The following ADPRHL1 variants were observed in gnomAD, a reference collection of about 807,000 sequenced individuals.
The protein encoded by ADPRHL1 is inactive ADP-ribosyltransferase ARH2.
A neutral mutation model predicts 44.1 loss-of-function variants in ADPRHL1; 43 were observed. The observed-to-expected ratio is 0.98, with a 90% CI of 0.76 to 1.26. The LOEUF (loss-of-function observed/expected upper bound fraction) is 1.26. ADPRHL1 is among the 50% of genes most tolerant of loss of function. The pLI is 0.00. For missense variants in ADPRHL1, 2,022 were observed against 2,496.9 expected (o/e 0.81, Z 4.05); for synonymous variants, 878 against 1,017.4 (o/e 0.86, Z 2.61).
Position 113,406,297 on chromosome 13 carries a change from T to C in ADPRHL1, c.2985A>G (p.Ile995Met). 3 of 1,232,116 alleles carry C rather than the reference T, an allele frequency of 2.4e-6. No individual in the cohort carries two copies. Among genetic ancestry groups the C allele is most frequent in the Non-Finnish European group, 3.0e-6 (3 of 987,982 alleles). The allele number at this position is 1,232,116 out of a possible 1,614,324, so 76.3% of individuals were successfully genotyped here. Residue 995 changes from isoleucine (I) to methionine (M), a missense_variant, in exon 8 of 8, where the codon ATA (isoleucine) becomes ATG (methionine). Ile to Met is a conservative substitution (Grantham distance 10, BLOSUM62 1). Coordinates refer to ENST00000612156, the MANE Select transcript of ADPRHL1 (RefSeq NM_001394807.1). ...TTGCGGAGCCCTTCTTCTGCATTGA[T>C]ATTTCATTAGATTCCGGCAACGGAT... ...VKHPLPESNE[I>M]SMQKKGSATN... is the part of the protein sequence containing the mutation.
rs2043988496 is a variant in ADPRHL1, at chr13:113,429,067, G to A, written c.531C>T (p.Ala177=). The change falls in exon 4 of 8, where the codon GCC becomes GCT. Residue 177 remains alanine, a synonymous_variant. Coordinates refer to ENST00000612156, the MANE Select transcript of ADPRHL1 (RefSeq NM_001394807.1). ...CTTGTGCGGCGAACGACACAAACAGGGCCGTGCACAGGGAGCCCAGGAAGC... is the reference window on the plus strand; with the variant it reads ...CTTGTGCGGCGAACGACACAAACAGAGCCGTGCACAGGGAGCCCAGGAAGC... ...PTGFLGSLCT[A]LFVSFAAQGK... 2.5e-6 allele frequency: 4 copies of A among 1,612,076 alleles called. No individual in the cohort carries two copies. In the Admixed American group the frequency reaches 6.7e-5, roughly 27 times the overall value.
intron 7 of ADPRHL1, among the ~76,000 whole-genome samples, chr13:113,411,333 G>A (rs1284572874): frequency 6.6e-6 from 1 of 152,256 alleles, no homozygotes; most frequent in East Asian, 1.9e-4. Flanking sequence ...CCCACACTCG[G>A]AGCCCCTTGT....
In ADPRHL1 at chr13:113,424,256, T is replaced by C; in HGVS notation, c.868A>G (p.Ser290Gly). Residue 290 changes from serine (S) to glycine (G), a missense_variant, in exon 6 of 8, where the codon AGC (serine) becomes GGC (glycine). By Grantham distance (56) the Ser-to-Gly change is moderately conservative. Around this residue, in one of 8 missense-constraint regions of ADPRHL1, gnomAD observed 437 missense variants for 430.7 expected, o/e 1.01. Transcript: ENST00000612156. ...AYDALLAAGN[S>G]WTELCHRAMF... ...GCCCGGTGACACAGCTCAGTCCAGC[T>C]GTTTCCTGCTGCAAGGAGGGCGTCA... 1.2e-6 allele frequency: 2 copies of C among 1,612,950 alleles called. No individual in the cohort carries two copies.
chr13:113,407,971 C>T lies in ADPRHL1; in HGVS notation c.1311G>A (p.Leu437=). The T allele has an allele frequency of 8.1e-7, 1 of 1,232,144 alleles. No individual in the cohort carries two copies. The highest frequency in any genetic ancestry group is 4.1e-5 in the South Asian group (1 of 24,326). 76.3% of individuals were successfully genotyped at this position (1,232,144 alleles called of 1,614,324 possible). ...TGAGGTAGCGCTCCCGGCCAGTGCC[C>T]AGGAACTTGGCCTGCAGGAGCTGGA... is the stretch of plus-strand genomic sequence containing the variant. ...TRFQLLQAKF[L]GTGRERYLKR... Residue 437 remains leucine, a synonymous_variant, in exon 8 of 8, where the codon CTG becomes CTA. Transcript: ENST00000612156.
intron 1 of ADPRHL1, among the ~76,000 whole-genome samples, chr13:113,447,449 T>C (rs2044150024): frequency 1.3e-5 from 2 of 151,836 alleles, no homozygotes; most frequent in Non-Finnish European, 2.9e-5. Context: ...CTCATGGTGG[T>C]GTGTGTGTAT....
At chr13:113,450,963 CT>C (rs1347098456) in intron 1 of ADPRHL1, among the ~76,000 whole-genome samples, 2 of 147,066 alleles carry the variant, frequency 1.4e-5, no homozygotes, top group African/African-American at 2.7e-5. Flanking sequence ...CCCCCCCCCC[CT>C]TCCTGGTCTG....
chr13:113,407,148 A>G lies in ADPRHL1; in HGVS notation c.2134T>C (p.Cys712Arg). The G allele has an allele frequency of 8.1e-7, 1 of 1,232,230 alleles. No homozygotes were observed. Among genetic ancestry groups the G allele is most frequent in the Non-Finnish European group, 1.0e-6 (1 of 988,044 alleles). The allele number at this position is 1,232,230 out of a possible 1,614,324, so 76.3% of individuals were successfully genotyped here. ...AGGCCAGGAAGGACTCCACCTGTGC[A>G]GGGAGCACAAGAGAAGGCCAGCGAG... ...VPSLAFSCAPCTGGVLPGLVP... is the reference protein window; with the variant it reads ...VPSLAFSCAPRTGGVLPGLVP... The change falls in exon 8 of 8, where the codon TGC (cysteine) becomes CGC (arginine). Residue 712 changes from cysteine (C) to arginine (R), a missense_variant. This residue lies in a region of ADPRHL1 where 1,221 missense variants were observed against 1,517.8 expected (regional missense o/e 0.80). Coordinates refer to ENST00000612156, the MANE Select transcript of ADPRHL1 (RefSeq NM_001394807.1).
rs528643986 is a variant in ADPRHL1 at position 113,425,142 on chromosome 13, C to A, written c.684G>T (p.Trp228Cys). The A allele has an allele frequency of 1.6e-5, 26 of 1,611,366 alleles. No homozygotes were observed. The Admixed American group carries it at 2.5e-4, about 16-fold the overall frequency. ...QEHWFYFEAKWQFYLEERKIS... is the reference protein window; with the variant it reads ...QEHWFYFEAKCQFYLEERKIS... ...TTTTCCTCTCCTCCAAATAAAATTG[C>A]CATTTAGCTTCAAAGTAAAACCAGT... Residue 228 changes from tryptophan (W) to cysteine (C), a missense_variant, in exon 5 of 8, where the codon TGG becomes TGT. Around this residue, in one of 8 missense-constraint regions of ADPRHL1, gnomAD observed 437 missense variants for 430.7 expected, o/e 1.01. Transcript: ENST00000612156.
intron 6 of ADPRHL1, among the ~76,000 whole-genome samples, chr13:113,423,251 T>C (rs1005926060): frequency 7.5e-6 from 1 of 133,602 alleles, no homozygotes; most frequent in Non-Finnish European, 1.7e-5. Flanking sequence ...AGTGAGATCC[T>C]GTCTCAAAAA....
In ADPRHL1 at chr13:113,407,213, G is replaced by C. The variant is rs924505928; in HGVS notation, c.2069C>G (p.Thr690Arg). The change falls in exon 8 of 8, where the codon ACA (threonine) becomes AGA (arginine). Residue 690 changes from threonine (T) to arginine (R), a missense_variant. By Grantham distance (71) the Thr-to-Arg change is moderately conservative. This residue lies in a region of ADPRHL1 where 1,221 missense variants were observed against 1,517.8 expected (regional missense o/e 0.80). Transcript: ENST00000612156. ...QRQPRPSKPV[T>R]PQVMAQRDGH... The stretch of plus-strand genomic sequence containing the variant: ...GTCCCTCTGAGCCATCACCTGGGGT[G>C]TCACGGGCTTCGAGGGCCTTGGCTG... 4 of 1,232,144 alleles carry C rather than the reference G, an allele frequency of 3.2e-6. No homozygotes were observed. In the African/African-American group the frequency reaches 6.2e-5, roughly 19 times the overall value. The allele number at this position is 1,232,144 out of a possible 1,614,324, so 76.3% of individuals were successfully genotyped here. A position where few individuals can be genotyped will look rare whatever the true frequency, so the allele number is the denominator to read the frequency against.
intron 7 of ADPRHL1, chr13:113,410,149 G>A (rs1595537842): frequency 7.1e-6 from 7 of 984,988 alleles, no homozygotes; most frequent in East Asian, 1.1e-4. Context: ...GACCCCACAC[G>A]GAGGAGTGGC....
At chr13:113,424,131 C>T (rs977528534) in intron 6 of ADPRHL1, 86 bp downstream of exon 6, 35 of 1,521,432 alleles carry the variant, frequency 2.3e-5, no homozygotes, top group Non-Finnish European at 3.0e-5. Flanking sequence ...CCCCTGAATG[C>T]CTGCAGTCCT....
At chr13:113,429,115 G>GA in intron 3 of ADPRHL1, 23 bp from the exon 4 acceptor site, 1 of 1,479,400 alleles carries the variant, frequency 6.8e-7, no homozygotes, top group African/African-American at 1.4e-5. Flanking sequence ...GAAGAGAGAG[G>GA]GGGCACCATC....
chr13:113,429,597 T>C (rs978038232), intron 3 of ADPRHL1, among the ~76,000 whole-genome samples: 2 of 152,276 alleles, frequency 1.3e-5, no homozygotes, highest in South Asian at 2.1e-4. Context: ...CCTTTGGCTA[T>C]TGGGAACACC....
chr13:113,427,149 C>A (rs1279358982), intron 4 of ADPRHL1, among the ~76,000 whole-genome samples: 1 of 152,248 alleles, frequency 6.6e-6, no homozygotes, highest in African/African-American at 2.4e-5. Context: ...CAGTCAGAAA[C>A]ATTCCATGAA....
rs2044190587 is a variant in ADPRHL1, at chr13:113,453,333, C to T, written c.105G>A (p.Glu35=). ...CCAGGCCCCCGGAACGTTGCAGCTC[C>T]TCCTGGATCTTCATGCCTACAGTGC... is the stretch of plus-strand genomic sequence containing the variant. The part of the protein sequence containing the change: ...ENSTVGMKIQ[E]ELQRSGGLDH... The change falls in exon 1 of 8, where the codon GAG becomes GAA. Residue 35 remains glutamate, a synonymous_variant. Transcript: ENST00000612156. The surrounding 1 kb of genome is among the most constrained non-coding windows in gnomAD (Gnocchi z 5.4). 2 of 1,614,224 alleles carry T rather than the reference C, an allele frequency of 1.2e-6. No homozygotes were observed. The highest frequency in any genetic ancestry group is 1.3e-5 in the African/African-American group (1 of 75,056).
intron 1 of ADPRHL1, among the ~76,000 whole-genome samples, chr13:113,450,960 C>CA (rs979504948): frequency 3.3e-5 from 5 of 151,542 alleles, no homozygotes; most frequent in East Asian, 1.9e-4. Flanking sequence ...AGACCCCCCC[C>CA]CCCTTCCTGG....
Position 113,409,516 on chromosome 13 carries a change from TG to T in ADPRHL1, c.1062-1297del. 1 of 985,366 alleles carries T rather than the reference TG, an allele frequency of 1.0e-6. No homozygotes were observed. 61.0% of individuals were successfully genotyped at this position (985,366 alleles called of 1,614,324 possible). A position where few individuals can be genotyped will look rare whatever the true frequency, so the allele number is the denominator to read the frequency against. On this transcript the variant is annotated intron_variant, in intron 7 of 7. Coordinates refer to ENST00000612156, the MANE Select transcript of ADPRHL1 (RefSeq NM_001394807.1). The surrounding 1 kb of genome is among the most constrained non-coding windows in gnomAD (Gnocchi z 4.2). ...CCGCACAATGGCACGTCCACATTTG[TG>T]GGAGAAGAGTCGGTGGCCGGATGCG... is the stretch of plus-strand genomic sequence containing the variant.
chr13:113,423,345 T>G (rs996546443), intron 6 of ADPRHL1, among the ~76,000 whole-genome samples: 3 of 151,546 alleles, frequency 2.0e-5, no homozygotes, highest in South Asian at 4.2e-4. Flanking sequence ...TGTGAAGCGG[T>G]GTTTCAGCAC....
Sources: allele counts gnomAD v4.1 joint callset (sites outside exome capture counted in the v4.1 genomes callset), GRCh38; gene constraint gnomAD v4.1.1; regional missense constraint gnomAD v4.1.1; non-coding constraint Gnocchi (gnomAD v3.1); transcripts MANE v1.5; gene names NCBI Gene and HGNC (gene_info 2026-07-23, HGNC 2026-07-21).